The following ADAMTS3 variants were observed in gnomAD, a reference collection of about 807,000 sequenced individuals.
ADAMTS3 encodes ADAM metallopeptidase with thrombospondin type 1 motif 3, also known as A disintegrin and metalloproteinase with thrombospondin motifs 3.
Under a neutral mutation model 129.0 loss-of-function variants are expected in ADAMTS3, and 73 were observed. That is an observed-to-expected ratio of 0.57 (90% CI 0.47 to 0.69). ADAMTS3 has a LOEUF of 0.69. Among genes scored for constraint, ADAMTS3 ranks in the 30% least tolerant of loss-of-function variants. The probability of loss-of-function intolerance (pLI) is 0.00; values close to 1 mark genes in which losing one functional copy is unlikely to be tolerated. For synonymous variants in ADAMTS3, 477 were observed against 510.8 expected (o/e 0.93, Z 0.89); for missense variants, 1,457 against 1,514.5 (o/e 0.96, Z 0.63).
chr4:72,457,432 A>G (rs1468862272), intron 3 of ADAMTS3, among the ~76,000 whole-genome samples: 2 of 151,712 alleles, frequency 1.3e-5, no homozygotes, highest in African/African-American at 4.8e-5. Flanking sequence ...CTCAAATTAG[A>G]TATTACATGA....
chr4:72,519,037 T>G (rs902423432), intron 3 of ADAMTS3, among the ~76,000 whole-genome samples: 1 of 150,870 alleles, frequency 6.6e-6, no homozygotes, highest in African/African-American at 2.4e-5. Flanking sequence ...GGCCTGGTGG[T>G]GACAAAATCT....
intron 3 of ADAMTS3, among the ~76,000 whole-genome samples, chr4:72,456,346 TATATATA>T (rs1718615941): frequency 7.1e-6 from 1 of 140,752 alleles, no homozygotes; most frequent in East Asian, 2.0e-4. Context: ...CTGTATATAC[TATATATA>T]GTATATAGTA....
chr4:72,444,093 C>A, intron 3 of ADAMTS3, among the ~76,000 whole-genome samples: 1 of 151,778 alleles, frequency 6.6e-6, no homozygotes, highest in East Asian at 2.0e-4. Flanking sequence ...CAGCAGGCTG[C>A]ACAGCTATTA....
chr4:72,500,714 C>A (rs561483957), intron 3 of ADAMTS3, among the ~76,000 whole-genome samples: 1 of 152,102 alleles, frequency 6.6e-6, no homozygotes, highest in African/African-American at 2.4e-5. Flanking sequence ...TATGGTATTT[C>A]CCAGGTTTTC....
At chr4:72,543,106 A>C (rs566292979) in intron 3 of ADAMTS3, among the ~76,000 whole-genome samples, 31 of 152,348 alleles carry the variant, frequency 2.0e-4, no homozygotes, top group Admixed American at 4.6e-4. Flanking sequence ...TTATGAAAAA[A>C]TATGGATAAA....
chr4:72,414,152 T>A (rs1372827777), intron 4 of ADAMTS3, among the ~76,000 whole-genome samples: 1 of 151,644 alleles, frequency 6.6e-6, no homozygotes, highest in Non-Finnish European at 1.5e-5. Context: ...ATTCCTAAAT[T>A]TTTTTTTCTC....
At chr4:72,505,732 T>C (rs1448684711) in intron 3 of ADAMTS3, among the ~76,000 whole-genome samples, 1 of 152,204 alleles carries the variant, frequency 6.6e-6, no homozygotes, top group Non-Finnish European at 1.5e-5. Context: ...TGCCTGGAGA[T>C]GGCAGGGGGC....
chr4:72,386,143 C>T (rs1721440696), intron 4 of ADAMTS3, among the ~76,000 whole-genome samples: 1 of 152,080 alleles, frequency 6.6e-6, no homozygotes, highest in Admixed American at 6.6e-5. Context: ...AGCTTCCATA[C>T]TCAGGAGATC....
intron 4 of ADAMTS3, among the ~76,000 whole-genome samples, chr4:72,399,430 T>C (rs970973672): frequency 5.9e-5 from 9 of 152,122 alleles, no homozygotes; most frequent in African/African-American, 1.4e-4. Flanking sequence ...AACACTCTTC[T>C]CTGAAAAAGA....
intron 4 of ADAMTS3, among the ~76,000 whole-genome samples, chr4:72,374,358 C>G (rs1245998759): frequency 6.6e-6 from 1 of 151,800 alleles, no homozygotes; most frequent in African/African-American, 2.4e-5. Context: ...TCACCCAAGC[C>G]AAGACTTATT....
intron 3 of ADAMTS3, among the ~76,000 whole-genome samples, chr4:72,474,786 G>T (rs932219037): frequency 1.3e-5 from 2 of 152,080 alleles, no homozygotes; most frequent in Non-Finnish European, 1.5e-5. Context: ...CAGCACTTTG[G>T]GAGGCCGAGG....
At chr4:72,393,616 A>G (rs1210232408) in intron 4 of ADAMTS3, among the ~76,000 whole-genome samples, 1 of 152,178 alleles carries the variant, frequency 6.6e-6, no homozygotes, top group African/African-American at 2.4e-5. Context: ...TTCAAACGTA[A>G]TATTTTGACA....
chr4:72,530,578 T>C (rs1720992976), intron 3 of ADAMTS3, among the ~76,000 whole-genome samples: 1 of 41,792 alleles, frequency 2.4e-5, no homozygotes, highest in Non-Finnish European at 3.8e-5. Flanking sequence ...TAATTTAATA[T>C]ATATTAAATA....
At chr4:72,373,923 T>G (rs912974989) in intron 4 of ADAMTS3, among the ~76,000 whole-genome samples, 23 of 99,528 alleles carry the variant, frequency 2.3e-4, no homozygotes, top group African/African-American at 6.0e-4. Flanking sequence ...ATAATAATAA[T>G]AATAATAATA....
chr4:72,332,420 G>A (rs190025455), intron 5 of ADAMTS3, among the ~76,000 whole-genome samples: 3 of 152,150 alleles, frequency 2.0e-5, no homozygotes, highest in East Asian at 1.9e-4. Flanking sequence ...ATTTATGCTC[G>A]TTCACTGTCC....
intron 13 of ADAMTS3, among the ~76,000 whole-genome samples, chr4:72,311,898 T>C (rs558398779): frequency 6.6e-6 from 1 of 152,296 alleles, no homozygotes; most frequent in South Asian, 2.1e-4. Flanking sequence ...TATTAAATTA[T>C]GATCTTTCTC....
At chr4:72,314,253 T>C (rs774955789) in intron 11 of ADAMTS3, among the ~76,000 whole-genome samples, 1 of 152,212 alleles carries the variant, frequency 6.6e-6, no homozygotes, top group Non-Finnish European at 1.5e-5. Context: ...GATAATAATA[T>C]AACATGTCTA....
intron 4 of ADAMTS3, among the ~76,000 whole-genome samples, chr4:72,354,768 T>G (rs1720534372): frequency 6.6e-6 from 1 of 152,016 alleles, no homozygotes; most frequent in African/African-American, 2.4e-5. Flanking sequence ...CTGAAGTCAT[T>G]TTTATTTTGC....
At chr4:72,354,462 C>A (rs72862388) in intron 4 of ADAMTS3, among the ~76,000 whole-genome samples, 8,902 of 151,974 alleles carry the variant, frequency 0.059, 912 homozygotes, top group African/African-American at 0.2. Flanking sequence ...TCATTCCTCT[C>A]CACTCTGAGT....
Sources: allele counts gnomAD v4.1 joint callset (sites outside exome capture counted in the v4.1 genomes callset), GRCh38; gene constraint gnomAD v4.1.1; transcripts MANE v1.5; gene names NCBI Gene and HGNC (gene_info 2026-07-23, HGNC 2026-07-21).